Variants in GLDC observed in about 807,000 individuals in gnomAD.
The protein encoded by GLDC is glycine decarboxylase.
In GLDC, 104 loss-of-function variants were observed where a neutral mutation model predicts 121.3. The ratio of observed to expected loss-of-function variants is 0.86; its 90% CI spans 0.73 to 1.01. GLDC has a LOEUF of 1.01. Ranked by LOEUF, GLDC falls within the 50% of genes least tolerant of loss-of-function variation. GLDC has a pLI of 0.00. For synonymous variants in GLDC, 546 were observed against 480.6 expected (o/e 1.14, Z -1.78); for missense variants, 1,429 against 1,306.6 (o/e 1.09, Z -1.44).
chr9:6,545,701 C>T (rs906000349), intron 21 of GLDC, among the ~76,000 whole-genome samples: 1 of 152,124 alleles, frequency 6.6e-6, no homozygotes. Flanking sequence ...AGTGCAGTGG[C>T]GCAATCTCGG....
intron 2 of GLDC, among the ~76,000 whole-genome samples, chr9:6,636,603 T>C (rs575971033): frequency 1.1e-3 from 171 of 152,016 alleles, no homozygotes; most frequent in African/African-American, 3.9e-3. Context: ...CACAGTAAGA[T>C]TGTCTCTAGA....
chr9:6,622,329 T>C (rs1819119350), intron 2 of GLDC, among the ~76,000 whole-genome samples: 1 of 148,132 alleles, frequency 6.8e-6, no homozygotes, highest in Admixed American at 6.7e-5. Context: ...CTTGGCTCAC[T>C]GCAACCTCCC....
intron 2 of GLDC, among the ~76,000 whole-genome samples, chr9:6,637,185 A>G (rs1049932429): frequency 6.6e-6 from 1 of 152,020 alleles, no homozygotes; most frequent in Non-Finnish European, 1.5e-5. Context: ...CAGGCGGATC[A>G]CTTGAGGTCA....
intron 15 of GLDC, 109 bp downstream of exon 15, chr9:6,587,032 G>C: frequency 1.1e-6 from 1 of 890,714 alleles, no homozygotes; most frequent in Non-Finnish European, 1.9e-6. Context: ...GAACTGTCTA[G>C]CAAGTCACAG....
chr9:6,606,671 T>G lies in GLDC; in HGVS notation c.636-2A>C. ...AGAAATTTCCTCCTCTTGTTGTGTC[T>G]GTTGAAAAGAAAAAGCACATTCCAA... On this transcript the variant is annotated splice_acceptor_variant, in intron 4 of 24. Transcript: ENST00000321612. LOFTEE classifies it high-confidence loss of function. The G allele has an allele frequency of 6.3e-7, 1 of 1,585,466 alleles. No homozygotes were observed. The highest frequency in any genetic ancestry group is 8.7e-7 in the Non-Finnish European group (1 of 1,154,590).
chr9:6,621,678 T>C (rs1210263543), intron 2 of GLDC, among the ~76,000 whole-genome samples: 1 of 152,100 alleles, frequency 6.6e-6, no homozygotes, highest in Non-Finnish European at 1.5e-5. Flanking sequence ...TCACCACACC[T>C]GGCTAATTTT....
intron 6 of GLDC, 152 bp downstream of exon 6, chr9:6,604,979 G>A (rs1818700097): frequency 9.6e-6 from 9 of 932,988 alleles, no homozygotes; most frequent in Non-Finnish European, 1.4e-5. Flanking sequence ...ACAGAAAAAA[G>A]TAGCAGCAAG....
chr9:6,617,775 C>T (rs912537801), intron 3 of GLDC, among the ~76,000 whole-genome samples: 2 of 152,196 alleles, frequency 1.3e-5, no homozygotes, highest in African/African-American at 2.4e-5. Flanking sequence ...ACCAGGATTA[C>T]ATTTGCAATG....
chr9:6,558,489 A>G, intron 17 of GLDC, 70 bp downstream of exon 17: 2 of 1,547,012 alleles, frequency 1.3e-6, no homozygotes, highest in Admixed American at 1.7e-5. Context: ...TACATAATCC[A>G]TCAAGTCCCT....
intron 8 of GLDC, 119 bp downstream of exon 8, chr9:6,601,990 T>G (rs1818620333): frequency 2.8e-6 from 2 of 721,432 alleles, no homozygotes; most frequent in Admixed American, 1.9e-5. Context: ...GATCTTGCCA[T>G]TTCTGGTGTG....
intron 15 of GLDC, among the ~76,000 whole-genome samples, chr9:6,572,113 A>G: frequency 6.6e-6 from 1 of 152,334 alleles, no homozygotes; most frequent in Non-Finnish European, 1.5e-5. Flanking sequence ...CAGAATAAAA[A>G]TTGTTGGGAT....
At chr9:6,543,596 C>T (rs1817316218) in intron 21 of GLDC, among the ~76,000 whole-genome samples, 1 of 152,216 alleles carries the variant, frequency 6.6e-6, no homozygotes, top group Admixed American at 6.5e-5. Flanking sequence ...AATCCATACT[C>T]TATTGCGTTC....
chr9:6,609,368 C>T (rs1282221305), intron 4 of GLDC, among the ~76,000 whole-genome samples: 1 of 152,104 alleles, frequency 6.6e-6, no homozygotes, highest in Non-Finnish European at 1.5e-5. Flanking sequence ...TAAATTATGG[C>T]ACTTCCATGT....
rs562926933 is a variant in GLDC at position 6,633,473 on chromosome 9, A to G, written c.334+11141T>C. 9.9e-5 allele frequency among the ~76,000 whole-genome samples: 15 copies of G among 152,236 alleles called. No individual in the cohort carries two copies. In the South Asian group the frequency reaches 3.1e-3, roughly 32 times the overall value. ...CAAATGCATGTTCCACGAATACCTC[A>G]AACCCAATTCTGCTCAAGCAAGACC... On this transcript the variant is annotated intron_variant, in intron 2 of 24. Transcript: ENST00000321612.
chr9:6,605,962 T>G (rs1203880450), intron 5 of GLDC: 1 of 159,260 alleles, frequency 6.3e-6, no homozygotes, highest in East Asian at 1.9e-4. Flanking sequence ...TCTCTGTTTT[T>G]CAAACGTTCC....
chr9:6,608,225 A>G (rs1181997628), intron 4 of GLDC, among the ~76,000 whole-genome samples: 1 of 150,946 alleles, frequency 6.6e-6, no homozygotes, highest in African/African-American at 2.4e-5. Flanking sequence ...CCTCCTGGCT[A>G]ACAGGGTGAA....
chr9:6,639,668 A>AAAAATATATATATATATAT lies in GLDC; in HGVS notation c.334+4945_334+4946insATATATATATATATATTTT. 207 of 250,492 alleles carry AAAAATATATATATATATAT rather than the reference A, an allele frequency of 8.3e-4. 2 individuals carry two copies. The highest frequency in any genetic ancestry group is 3.9e-3 in the African/African-American group (75 of 19,236). The allele number at this position is 250,492 out of a possible 1,614,324, so 15.5% of individuals were successfully genotyped here. The stretch of plus-strand genomic sequence containing the variant: ...ATATATCTTTTCACCATAAAAAAAA[A>AAAAATATATATATATATAT]GTATATATATATATATATATGGACA... On this transcript the variant is annotated intron_variant, in intron 2 of 24. Transcript: ENST00000321612.
chr9:6,570,809 G>A (rs1587934968), intron 15 of GLDC, among the ~76,000 whole-genome samples: 1 of 136,892 alleles, frequency 7.3e-6, no homozygotes, highest in African/African-American at 2.8e-5. Context: ...AGCTGAGATC[G>A]CACCACTGCA....
chr9:6,562,408 C>G (rs904134692), intron 16 of GLDC, among the ~76,000 whole-genome samples: 2 of 152,162 alleles, frequency 1.3e-5, no homozygotes, highest in African/African-American at 4.8e-5. Context: ...TCCCCACACT[C>G]CCTTTCAAAA....
Sources: gnomAD v4.1 joint callset for allele counts (sites outside exome capture counted in the v4.1 genomes callset) on GRCh38, gnomAD v4.1.1 for gene constraint, MANE v1.5 for transcripts, NCBI Gene and HGNC (gene_info 2026-07-23, HGNC 2026-07-21) for gene names.